The following CNTN4 variants were observed in gnomAD, a reference collection of about 807,000 sequenced individuals.
CNTN4 encodes contactin-4.
Under a neutral mutation model 122.5 loss-of-function variants are expected in CNTN4, and 77 were observed. The observed-to-expected ratio is 0.63, with a 90% CI of 0.52 to 0.76. The LOEUF is 0.76. Ranked by LOEUF, CNTN4 falls within the 30% of genes least tolerant of loss-of-function variation. The pLI, the probability that CNTN4 is intolerant of heterozygous loss-of-function variation, is 0.00. For synonymous variants in CNTN4, 512 were observed against 447.0 expected (o/e 1.15, Z -1.83); for missense variants, 1,256 against 1,259.1 (o/e 1.00, Z 0.04).
At chr3:2,332,868 T>TA (rs889048631) in intron 2 of CNTN4, among the ~76,000 whole-genome samples, 37 of 151,892 alleles carry the variant, frequency 2.4e-4, no homozygotes, top group African/African-American at 7.7e-4. Flanking sequence ...CCCTAAAACT[T>TA]AAAGTATAAT....
At position 2,764,490 on chromosome 3, in the gene CNTN4, G is replaced by A. The variant is rs146149739; in HGVS notation, c.358+18793G>A. Among the ~76,000 whole-genome samples, 6 of 152,306 alleles carry A rather than the reference G, an allele frequency of 3.9e-5. No individual in the cohort carries two copies. In the East Asian group the frequency reaches 1.2e-3, roughly 29 times the overall value. ...TGCCTGTGTGGCTGGAGGGCACAGA[G>A]CAAGGCTGAATGCAGCAGAGCAGAA... On this transcript the variant is annotated intron_variant, in intron 6 of 24. Transcript: ENST00000418658.
At chr3:2,845,472 CTA>C (rs1346248498) in intron 7 of CNTN4, among the ~76,000 whole-genome samples, 1 of 151,988 alleles carries the variant, frequency 6.6e-6, no homozygotes, top group Non-Finnish European at 1.5e-5. Flanking sequence ...AATATATAAA[CTA>C]TATGTTATGA....
In CNTN4 at chr3:2,769,867, A is replaced by G. The variant is rs138974977; in HGVS notation, c.358+24170A>G. ...AAAATAGCAGCAAGACAGGCTAACT[A>G]TCTTCAGGAATCAATGCCAGCCTCT... On this transcript the variant is annotated intron_variant, in intron 6 of 24. Coordinates refer to ENST00000418658, the MANE Select transcript of CNTN4 (RefSeq NM_175607.3). Among the ~76,000 whole-genome samples the G allele has an allele frequency of 1.2e-3, 185 of 152,288 alleles. 1 individual carries two copies. Among genetic ancestry groups the G allele is most frequent in the African/African-American group, 4.3e-3 (177 of 41,564 alleles).
At chr3:2,512,756 G>A (rs578115145) in intron 3 of CNTN4, among the ~76,000 whole-genome samples, 1 of 152,282 alleles carries the variant, frequency 6.6e-6, no homozygotes, top group East Asian at 1.9e-4. Context: ...AAGGGGAATT[G>A]AAGTTTCCAC....
At chr3:2,276,195 CAG>C (rs2041504055) in intron 2 of CNTN4, among the ~76,000 whole-genome samples, 1 of 150,954 alleles carries the variant, frequency 6.6e-6, no homozygotes, top group African/African-American at 2.4e-5. Context: ...TTTTTTGAGA[CAG>C]AGTCTCACTC....
chr3:2,424,077 G>T (rs62233799), intron 3 of CNTN4, among the ~76,000 whole-genome samples: 35,640 of 150,086 alleles, frequency 0.24, 5,275 homozygotes, highest in Non-Finnish European at 0.35. Context: ...TTTTTAAATT[G>T]TATTATACTT....
chr3:2,546,659 T>A (rs1033785589), intron 3 of CNTN4, among the ~76,000 whole-genome samples: 6 of 151,880 alleles, frequency 4.0e-5, no homozygotes, highest in African/African-American at 1.2e-4. Context: ...AAATGAAAAT[T>A]TAAAAAAAAC....
intron 2 of CNTN4, among the ~76,000 whole-genome samples, chr3:2,266,507 A>C (rs962401524): frequency 2.0e-5 from 3 of 151,956 alleles, no homozygotes; most frequent in African/African-American, 7.2e-5. Context: ...CTAAAAATCA[A>C]ATCTCCCCCC....
At position 2,902,975 on chromosome 3, in the gene CNTN4, A is replaced by G. The variant is rs1229636807; in HGVS notation, c.1177A>G (p.Ile393Val). Residue 393 changes from isoleucine to valine, a missense_variant, in exon 12 of 25, where the codon ATC becomes GTC. Physicochemically the swap from Ile to Val is conservative, Grantham distance 29 (BLOSUM62 3). Coordinates refer to ENST00000418658, the MANE Select transcript of CNTN4 (RefSeq NM_175607.3). ...TTTGGCAGAGAATAAACATGGAGTT[A>G]TCTTTTCCAACGCAGAGCTTAGTGT... ...QCLAENKHGV[I>V]FSNAELSVIA... 1.2e-6 allele frequency: 2 copies of G among 1,613,784 alleles called. No individual in the cohort carries two copies. The highest frequency in any genetic ancestry group is 2.7e-5 in the African/African-American group (2 of 74,914).
At chr3:2,189,152 C>T (rs1158580886) in intron 2 of CNTN4, among the ~76,000 whole-genome samples, 1 of 152,108 alleles carries the variant, frequency 6.6e-6, no homozygotes, top group East Asian at 1.9e-4. Flanking sequence ...CTTTATGACT[C>T]ATATCTTCAA....
At chr3:2,570,393 T>C (rs546166635) in intron 3 of CNTN4, among the ~76,000 whole-genome samples, 1 of 152,202 alleles carries the variant, frequency 6.6e-6, no homozygotes, top group East Asian at 1.9e-4. Context: ...CCCAGGCTGG[T>C]CTTGAACTCC....
intron 3 of CNTN4, among the ~76,000 whole-genome samples, chr3:2,434,542 C>A (rs1174833142): frequency 6.6e-6 from 1 of 152,082 alleles, no homozygotes; most frequent in East Asian, 1.9e-4. Flanking sequence ...AAGGCACAGC[C>A]CTTATTGAGA....
At chr3:2,703,285 T>C (rs2086460260) in intron 4 of CNTN4, among the ~76,000 whole-genome samples, 2 of 152,138 alleles carry the variant, frequency 1.3e-5, no homozygotes, top group Admixed American at 1.3e-4. Context: ...AAATTAGACA[T>C]GTTATGGTAC....
chr3:2,192,297 A>G (rs2037611399), intron 2 of CNTN4, among the ~76,000 whole-genome samples: 1 of 152,034 alleles, frequency 6.6e-6, no homozygotes, highest in Non-Finnish European at 1.5e-5. Context: ...TCCTTGAGGA[A>G]TCGCCACACT....
chr3:2,997,182 G>A (rs1041014175), intron 14 of CNTN4, among the ~76,000 whole-genome samples: 21 of 152,172 alleles, frequency 1.4e-4, no homozygotes, highest in African/African-American at 5.1e-4. Flanking sequence ...AATAAATAAA[G>A]AGAAAAGAAA....
chr3:2,168,566 AAAAT>A (rs1232205393), intron 2 of CNTN4, among the ~76,000 whole-genome samples: 1 of 152,004 alleles, frequency 6.6e-6, no homozygotes, highest in East Asian at 1.9e-4. Flanking sequence ...ATTATAAAAC[AAAAT>A]AAATTAATAA....
At chr3:2,620,506 T>A (rs74606168) in intron 4 of CNTN4, among the ~76,000 whole-genome samples, 1,121 of 98,608 alleles carry the variant, frequency 0.011, 20 homozygotes, top group African/African-American at 0.035. Flanking sequence ...TATCCAAAAA[T>A]ATATATATAT....
intron 4 of CNTN4, among the ~76,000 whole-genome samples, chr3:2,612,645 A>G (rs1039589815): frequency 6.6e-6 from 1 of 152,090 alleles, no homozygotes; most frequent in Non-Finnish European, 1.5e-5. Flanking sequence ...GATAAAATAT[A>G]TTTTGATTAT....
chr3:2,426,583 A>G (rs1053932934), intron 3 of CNTN4, among the ~76,000 whole-genome samples: 1 of 152,176 alleles, frequency 6.6e-6, no homozygotes, highest in Non-Finnish European at 1.5e-5. Context: ...TGCTGGCCTC[A>G]TAAAATGAGT....
Sources: gnomAD v4.1 joint callset for allele counts (sites outside exome capture counted in the v4.1 genomes callset) on GRCh38, gnomAD v4.1.1 for gene constraint, MANE v1.5 for transcripts, NCBI Gene and HGNC (gene_info 2026-07-23, HGNC 2026-07-21) for gene names.